The following AKAP7 variants were observed in gnomAD, a reference collection of about 807,000 sequenced individuals.
The protein encoded by AKAP7 is A kinase (PRKA) anchor protein 7.
A neutral mutation model predicts 39.5 loss-of-function variants in AKAP7; 39 were observed. The observed-to-expected ratio is 0.99, with a 90% CI of 0.76 to 1.29. The LOEUF (loss-of-function observed/expected upper bound fraction) is 1.29, where lower values mean the gene tolerates loss of function less well. AKAP7 is among the 50% of genes most tolerant of loss of function. The pLI is 0.00. For missense variants in AKAP7, 414 were observed against 407.7 expected, an observed-to-expected ratio of 1.02 and a Z score of -0.13; for synonymous variants, 140 against 139.1, an observed-to-expected ratio of 1.01 and a Z score of -0.05.
At chr6:131,142,365 TCC>T (rs35090153) in intron 1 of AKAP7, among the ~76,000 whole-genome samples, 4 of 152,202 alleles carry the variant, frequency 2.6e-5, no homozygotes, top group Non-Finnish European at 4.4e-5. Context: ...GGGACACTGC[TCC>T]CCACATCTCA....
intron 7 of AKAP7, chr6:131,253,092 C>T: frequency 1.9e-6 from 3 of 1,613,396 alleles, no homozygotes; most frequent in Non-Finnish European, 2.5e-6. Context: ...AGGATATACC[C>T]AGTTGGTCAA....
chr6:131,254,484 G>A (rs1298642040), intron 7 of AKAP7, among the ~76,000 whole-genome samples: 1 of 152,226 alleles, frequency 6.6e-6, no homozygotes, highest in Non-Finnish European at 1.5e-5. Flanking sequence ...TAATAACTAT[G>A]TAGATACCTC....
At chr6:131,165,033 C>T (rs949761349) in intron 3 of AKAP7, 48 bp from the exon 4 acceptor site, 10 of 1,442,884 alleles carry the variant, frequency 6.9e-6, no homozygotes, top group Admixed American at 5.0e-5. Flanking sequence ...AGAAATTTTG[C>T]TTACCTAATC....
intron 7 of AKAP7, among the ~76,000 whole-genome samples, chr6:131,229,937 T>A (rs950033966): frequency 2.2e-4 from 33 of 152,314 alleles, no homozygotes; most frequent in African/African-American, 7.9e-4. Flanking sequence ...CTTTTTTATG[T>A]CTGTGTAGTA....
intron 5 of AKAP7, among the ~76,000 whole-genome samples, chr6:131,193,323 T>C (rs974452781): frequency 6.6e-6 from 1 of 152,202 alleles, no homozygotes; most frequent in African/African-American, 2.4e-5. Flanking sequence ...TCAGAATCAA[T>C]TGAAATGATC....
intron 5 of AKAP7, among the ~76,000 whole-genome samples, chr6:131,172,613 CCA>C (rs1391606497): frequency 6.6e-6 from 1 of 152,140 alleles, no homozygotes; most frequent in African/African-American, 2.4e-5. Context: ...CAGGCATGAG[CCA>C]CTGTGCCCAG....
At chr6:131,192,199 C>G (rs1806476625) in intron 5 of AKAP7, among the ~76,000 whole-genome samples, 1 of 152,114 alleles carries the variant, frequency 6.6e-6, no homozygotes, top group Admixed American at 6.6e-5. Flanking sequence ...CCACTGTTTT[C>G]TTGTAGTAGT....
At chr6:131,132,314 G>GA (rs11307437), upstream of AKAP7, among the ~76,000 whole-genome samples, 81 of 143,464 alleles carry the variant, frequency 5.6e-4, no homozygotes, top group Admixed American at 8.3e-4. Context: ...TTCCGTCTCA[G>GA]AAAAAAAAAA....
chr6:131,212,926 T>A (rs1808810282), intron 6 of AKAP7, among the ~76,000 whole-genome samples: 1 of 152,134 alleles, frequency 6.6e-6, no homozygotes, highest in Non-Finnish European at 1.5e-5. Flanking sequence ...AGGCTACAAT[T>A]AGTGATGTCT....
At chr6:131,133,258 A>G (rs1444574528), upstream of AKAP7, among the ~76,000 whole-genome samples, 1 of 152,120 alleles carries the variant, frequency 6.6e-6, no homozygotes, top group African/African-American at 2.4e-5. Context: ...TTTGAGTATT[A>G]TTATGGGTAT....
chr6:131,164,673 G>T (rs1252049465), intron 3 of AKAP7: 3 of 311,764 alleles, frequency 9.6e-6, no homozygotes, highest in Non-Finnish European at 1.9e-5. Context: ...AATGTTGTCT[G>T]CTGGCTTGAC....
chr6:131,135,393 C>T (rs1800438168), upstream of AKAP7, among the ~76,000 whole-genome samples: 1 of 152,292 alleles, frequency 6.6e-6, no homozygotes, highest in Admixed American at 6.5e-5. Context: ...GCCCTAGTTT[C>T]CCCCGCCCTG....
In AKAP7 at chr6:131,135,471, C is replaced by T. The variant is rs2128220890; in HGVS notation, c.-293C>T. On this transcript the variant is annotated 5_prime_UTR_variant, in exon 1 of 8. Transcript: ENST00000431975. ...GGCGACTCGGGTCGGCCCCTTCTGG[C>T]TTGTTCCGGCGTCCGGCCTGGCATG... is the stretch of plus-strand genomic sequence containing the variant. Among the ~76,000 whole-genome samples the T allele has an allele frequency of 6.7e-6, 1 of 150,190 alleles. No individual in the cohort carries two copies. The highest frequency in any genetic ancestry group is 2.4e-5 in the African/African-American group (1 of 41,352).
chr6:131,132,230 G>T (rs1366201800), upstream of AKAP7, among the ~76,000 whole-genome samples: 7 of 151,862 alleles, frequency 4.6e-5, no homozygotes, highest in Non-Finnish European at 8.8e-5. Context: ...GGAGAATGGC[G>T]GGAACCCGGG....
intron 7 of AKAP7, among the ~76,000 whole-genome samples, chr6:131,248,197 C>T (rs1210469404): frequency 6.6e-6 from 1 of 152,172 alleles, no homozygotes; most frequent in African/African-American, 2.4e-5. Context: ...AATCTGTTCT[C>T]TTCTTCCCCT....
At position 131,135,771 on chromosome 6, in the gene AKAP7, G is replaced by T. The variant is rs1227531951; in HGVS notation, c.8G>T (p.Arg3Leu). 8.1e-7 allele frequency: 1 copy of T among 1,229,810 alleles called. No individual in the cohort carries two copies. The allele number at this position is 1,229,810 out of a possible 1,614,324, so 76.2% of individuals were successfully genotyped here. MERPEAGGINSNE... is the reference protein window; with the variant it reads MELPEAGGINSNE... ...CCCGCATGCGCCGCGACCATGGAGCGCCCCGAAGCGGGTGAGACCGGGCTG... is the reference window on the plus strand; with the variant it reads ...CCCGCATGCGCCGCGACCATGGAGCTCCCCGAAGCGGGTGAGACCGGGCTG... Residue 3 changes from arginine (R) to leucine (L), a missense_variant, in exon 1 of 8, where the codon CGC becomes CTC. Arg to Leu is a moderately radical substitution (Grantham distance 102, BLOSUM62 -2). Coordinates refer to ENST00000431975, the MANE Select transcript of AKAP7 (RefSeq NM_016377.4).
intron 5 of AKAP7, among the ~76,000 whole-genome samples, chr6:131,181,893 G>A (rs1186005935): frequency 2.0e-5 from 3 of 152,130 alleles, no homozygotes; most frequent in Non-Finnish European, 4.4e-5. Context: ...GAAGGCTGAG[G>A]CGGGTAGATC....
chr6:131,211,125 G>T (rs895144593), intron 6 of AKAP7, among the ~76,000 whole-genome samples: 53 of 152,250 alleles, frequency 3.5e-4, no homozygotes, highest in African/African-American at 1.2e-3. Context: ...AGATGGTGTC[G>T]TTTGGCTTGT....
intron 7 of AKAP7, among the ~76,000 whole-genome samples, chr6:131,239,339 C>G (rs1227280214): frequency 6.6e-6 from 1 of 152,174 alleles, no homozygotes; most frequent in Non-Finnish European, 1.5e-5. Context: ...CTGCCCTTAA[C>G]ATTTTTTCCT....
Sources: allele counts gnomAD v4.1 joint callset (sites outside exome capture counted in the v4.1 genomes callset), GRCh38; gene constraint gnomAD v4.1.1; transcripts MANE v1.5; gene names NCBI Gene and HGNC (gene_info 2026-07-23, HGNC 2026-07-21).